The following ERC1 variants were observed in gnomAD, a reference collection of about 807,000 sequenced individuals.
ERC1 encodes the protein RAB6 interacting protein 2.
A neutral mutation model predicts 132.0 loss-of-function variants in ERC1; 56 were observed. That is an observed-to-expected ratio of 0.42 (90% CI 0.34 to 0.53). ERC1 has a LOEUF of 0.53. ERC1 is among the 20% of genes least tolerant of loss of function. The probability of loss-of-function intolerance (pLI) is 0.03; values close to 1 mark genes in which losing one functional copy is unlikely to be tolerated. For synonymous variants in ERC1, 478 were observed against 476.1 expected, an observed-to-expected ratio of 1.00 and a Z score of -0.05; for missense variants, 1,202 against 1,349.9, an observed-to-expected ratio of 0.89 and a Z score of 1.72.
chr12:1,488,140 GAAAAAA>G (rs34258622), intron 18 of ERC1, among the ~76,000 whole-genome samples: 1 of 68,144 alleles, frequency 1.5e-5, no homozygotes, highest in South Asian at 5.7e-4. Context: ...TCACGTCTCA[GAAAAAA>G]AAAAAAAAAA....
In ERC1 at chr12:1,295,733, G is replaced by A. The variant is rs377163522; in HGVS notation, c.2780+5721G>A. On this transcript the variant is annotated intron_variant, in intron 15 of 18. Coordinates refer to ENST00000360905, the MANE Select transcript of ERC1 (RefSeq NM_178040.4). ...TTGGACAATGAGTCTCACCGAGATA[G>A]AGAAGCCTGGGAAATATCCTGAGCT... 2.0e-5 allele frequency among the ~76,000 whole-genome samples: 3 copies of A among 152,000 alleles called. No homozygotes were observed. In the East Asian group the frequency reaches 5.8e-4, roughly 29 times the overall value.
intron 1 of ERC1, chr12:998,283 C>G (rs1451327980): frequency 3.3e-5 from 5 of 152,210 alleles, no homozygotes; most frequent in African/African-American, 1.2e-4. Context: ...GGCTATATAA[C>G]AAATTACCCC....
In ERC1 at chr12:1,400,908, ATTTTTGTATTTTTTTTTT is replaced by A. The variant is rs1260779159; in HGVS notation, c.2926-7235_2926-7218del. 4.6e-3 allele frequency among the ~76,000 whole-genome samples: 200 copies of A among 43,406 alleles called. 32 individuals are homozygous for A. Among genetic ancestry groups the A allele is most frequent in the African/African-American group, 0.011 (172 of 15,004 alleles). 28.5% of individuals were successfully genotyped at this position (43,406 alleles called of 152,430 possible). A position where few individuals can be genotyped will look rare whatever the true frequency, so the allele number is the denominator to read the frequency against. ...CTTCTCATTCAATATTGTTTTGGCT[ATTTTTGTATTTTTTTTTT>A]TTTTTTTTTTTTTTTTTTTTTTTTT... On this transcript the variant is annotated intron_variant, in intron 16 of 18. Transcript: ENST00000360905.
At chr12:1,018,760 C>T (rs980908286) in intron 1 of ERC1, among the ~76,000 whole-genome samples, 2 of 152,084 alleles carry the variant, frequency 1.3e-5, no homozygotes, top group Non-Finnish European at 1.5e-5. Flanking sequence ...AGACACTGTG[C>T]TAGGTTTTGG....
intron 16 of ERC1, among the ~76,000 whole-genome samples, chr12:1,404,985 A>C (rs2091357582): frequency 6.6e-6 from 1 of 150,948 alleles, no homozygotes; most frequent in South Asian, 2.1e-4. Flanking sequence ...CTAAAAATAC[A>C]AAAAAAATAG....
chr12:1,207,257 T>A (rs1688879280), intron 12 of ERC1, among the ~76,000 whole-genome samples: 1 of 152,174 alleles, frequency 6.6e-6, no homozygotes, highest in African/African-American at 2.4e-5. Flanking sequence ...GATATATCAC[T>A]CACAAAAATA....
intron 1 of ERC1, among the ~76,000 whole-genome samples, chr12:1,016,693 G>A (rs2154142409): frequency 6.9e-6 from 1 of 144,440 alleles, no homozygotes; most frequent in South Asian, 2.2e-4. Flanking sequence ...CACCCAGGCT[G>A]GAGTGCAGTG....
Position 1,181,957 on chromosome 12 carries a change from G to A in ERC1, c.1908G>A (p.Arg636=). The A allele has an allele frequency of 1.2e-6, 2 of 1,613,984 alleles. No homozygotes were observed. The highest frequency in any genetic ancestry group is 1.7e-6 in the Non-Finnish European group (2 of 1,179,946). The change falls in exon 10 of 19, where the codon AGG becomes AGA. Residue 636 remains arginine (R), a synonymous_variant. Transcript: ENST00000360905. ...CAATTGAACGCTTAAAGGAGCAGAG[G>A]GACAGAGATGAGCGAGAGAAGCAAG... ...ERTIERLKEQ[R]DRDEREKQEE...
intron 8 of ERC1, among the ~76,000 whole-genome samples, chr12:1,143,951 T>C (rs1950099487): frequency 6.6e-6 from 1 of 152,192 alleles, no homozygotes; most frequent in Admixed American, 6.5e-5. Flanking sequence ...CTGAATTCTC[T>C]TAAAGGTTTG....
chr12:1,053,072 A>G (rs553324368), intron 2 of ERC1, among the ~76,000 whole-genome samples: 2 of 152,286 alleles, frequency 1.3e-5, no homozygotes, highest in South Asian at 2.1e-4. Context: ...ATTTATTTCT[A>G]TATCTAGAAA....
At chr12:1,127,006 A>AAAAAAAAAAAAC (rs1566033013) in intron 7 of ERC1, among the ~76,000 whole-genome samples, 1 of 149,754 alleles carries the variant, frequency 6.7e-6, no homozygotes, top group Non-Finnish European at 1.5e-5. Flanking sequence ...AAAAAAAAAA[A>AAAAAAAAAAAAC]AAAAAAACCT....
rs137998997 is a variant in ERC1, at chr12:1,125,274, A to G, written c.1569+9241A>G. 6.6e-4 allele frequency among the ~76,000 whole-genome samples: 101 copies of G among 152,016 alleles called. 1 individual carries two copies. The highest frequency in any genetic ancestry group is 3.4e-3 in the Middle Eastern group (1 of 294). On this transcript the variant is annotated intron_variant, in intron 7 of 18. Coordinates refer to ENST00000360905, the MANE Select transcript of ERC1 (RefSeq NM_178040.4). Reference sequence around the variant, plus strand: ...CTCCCAGAGTGCTGGGATTACAGGCATGAGCCACCGCGCCCAGCCCAATAT... The same window carrying G: ...CTCCCAGAGTGCTGGGATTACAGGCGTGAGCCACCGCGCCCAGCCCAATAT...
chr12:1,216,982 G>A (rs1286185157), intron 12 of ERC1, among the ~76,000 whole-genome samples: 2 of 152,172 alleles, frequency 1.3e-5, no homozygotes, highest in African/African-American at 4.8e-5. Context: ...AGAAGTGTAA[G>A]GTTGTATGTC....
At chr12:1,038,737 A>T (rs762574101) in intron 2 of ERC1, among the ~76,000 whole-genome samples, 2 of 152,222 alleles carry the variant, frequency 1.3e-5, no homozygotes, top group Non-Finnish European at 2.9e-5. Flanking sequence ...TTCTTGAACG[A>T]GGGCATAAAT....
In ERC1 at chr12:1,342,638, C is replaced by G. The variant is rs1463363630; in HGVS notation, c.2781-29195C>G. ...GACCCTCCTAGTCTTTTAGCTAGCT[C>G]TTAAAGGATAAATCAGAGAAGAGAG... On this transcript the variant is annotated intron_variant, in intron 15 of 18. Coordinates refer to ENST00000360905, the MANE Select transcript of ERC1 (RefSeq NM_178040.4). Among the ~76,000 whole-genome samples, 5 of 152,218 alleles carry G rather than the reference C, an allele frequency of 3.3e-5. No individual in the cohort carries two copies. In the South Asian group the frequency reaches 1.0e-3, roughly 32 times the overall value.
At chr12:1,421,508 G>A (rs1311265146) in intron 17 of ERC1, among the ~76,000 whole-genome samples, 1 of 152,050 alleles carries the variant, frequency 6.6e-6, no homozygotes, top group Non-Finnish European at 1.5e-5. Context: ...GTTTCTAGGT[G>A]GGGGTCACAA....
chr12:992,321 A>G (rs1256804813), intron 1 of ERC1, among the ~76,000 whole-genome samples: 1 of 152,214 alleles, frequency 6.6e-6, no homozygotes, highest in East Asian at 1.9e-4. Flanking sequence ...CTTTGGGTGG[A>G]TAAAGTGAAC....
At chr12:1,248,675 A>G (rs912772818) in intron 13 of ERC1, among the ~76,000 whole-genome samples, 1 of 152,178 alleles carries the variant, frequency 6.6e-6, no homozygotes, top group African/African-American at 2.4e-5. Flanking sequence ...CATTTTCAGG[A>G]TACTGTTTTT....
At chr12:1,066,078 G>A (rs1939122498) in intron 2 of ERC1, among the ~76,000 whole-genome samples, 1 of 152,188 alleles carries the variant, frequency 6.6e-6, no homozygotes, top group Non-Finnish European at 1.5e-5. Context: ...AAATATTATG[G>A]AACTAGGTAG....
Sources: gnomAD v4.1 joint callset for allele counts (sites outside exome capture counted in the v4.1 genomes callset) on GRCh38, gnomAD v4.1.1 for gene constraint, MANE v1.5 for transcripts, NCBI Gene and HGNC (gene_info 2026-07-23, HGNC 2026-07-21) for gene names.